Variants in CELF2 observed in about 807,000 individuals in gnomAD.
CELF2 encodes the protein CUG triplet repeat RNA-binding protein 2.
Under a neutral mutation model 62.6 loss-of-function variants are expected in CELF2, and 8 were observed. The observed-to-expected ratio is 0.13, with a 90% CI of 0.07 to 0.23. The LOEUF is 0.23. Among genes scored for constraint, CELF2 ranks in the 10% least tolerant of loss-of-function variants. CELF2 has a pLI of 1.00. For missense variants in CELF2, 333 were observed against 671.0 expected, an observed-to-expected ratio of 0.50 and a Z score of 5.56; for synonymous variants, 258 against 250.0, an observed-to-expected ratio of 1.03 and a Z score of -0.30.
the CELF2 span, among the ~76,000 whole-genome samples, chr10:10,580,615 C>A: frequency 6.6e-6 from 1 of 152,126 alleles, no homozygotes; most frequent in African/African-American, 2.4e-5. Flanking sequence ...ATGATTGAAA[C>A]CCACAATTTT....
chr10:10,638,011 T>C, the CELF2 span, among the ~76,000 whole-genome samples: 8 of 152,138 alleles, frequency 5.3e-5, no homozygotes, highest in African/African-American at 1.9e-4. Flanking sequence ...GGATGAATAG[T>C]TCATCAAAAA....
rs2060226177 is a variant in CELF2 at position 11,032,152 on chromosome 10, A to AAAAAAAAAAAAAAAAAAAAG, written c.74+14008_74+14009insGAAAAAAAAAAAAAAAAAAA. 2.0e-5 allele frequency among the ~76,000 whole-genome samples: 2 copies of AAAAAAAAAAAAAAAAAAAAG among 98,500 alleles called. 1 individual carries two copies. The highest frequency in any genetic ancestry group is 4.0e-5 in the Non-Finnish European group (2 of 49,440). 64.6% of individuals were successfully genotyped at this position (98,500 alleles called of 152,430 possible). ...GCTCCACATAGGGCTTAGCCAAAAA[A>AAAAAAAAAAAAAAAAAAAAG]AAAAAAAAAAAAAAAAAAATTGCTT... On this transcript the variant is annotated intron_variant, in intron 1 of 12. Coordinates refer to ENST00000633077, the MANE Select transcript of CELF2 (RefSeq NM_001326342.2).
At chr10:11,092,749 A>G (rs1198386049) in intron 1 of CELF2, among the ~76,000 whole-genome samples, 1 of 152,202 alleles carries the variant, frequency 6.6e-6, no homozygotes, top group Non-Finnish European at 1.5e-5. Flanking sequence ...GCTTCAGGGA[A>G]GAAGGTGAGA....
chr10:11,228,303 C>T (rs1435596645), intron 3 of CELF2, among the ~76,000 whole-genome samples: 1 of 152,110 alleles, frequency 6.6e-6, no homozygotes, highest in Non-Finnish European at 1.5e-5. Context: ...AGAACTATGC[C>T]AAGAACTTTA....
At chr10:10,569,870 T>A in the CELF2 span, among the ~76,000 whole-genome samples, 1 of 152,212 alleles carries the variant, frequency 6.6e-6, no homozygotes, top group Non-Finnish European at 1.5e-5. Flanking sequence ...CACCAGAAAC[T>A]GCTTCAGGAG....
the CELF2 span, among the ~76,000 whole-genome samples, chr10:10,628,891 T>C: frequency 2.0e-5 from 3 of 152,194 alleles, no homozygotes; most frequent in South Asian, 4.1e-4. Flanking sequence ...TCAGGCCGCC[T>C]TCCCATCAAT....
the CELF2 span, among the ~76,000 whole-genome samples, chr10:10,488,605 A>G: frequency 6.6e-6 from 1 of 152,138 alleles, no homozygotes; most frequent in Admixed American, 6.5e-5. Context: ...AAACTAATGC[A>G]CAAGGAGATT....
intron 2 of CELF2, among the ~76,000 whole-genome samples, chr10:10,941,590 G>A (rs2047055948): frequency 6.6e-6 from 1 of 152,184 alleles, no homozygotes; most frequent in Non-Finnish European, 1.5e-5. Flanking sequence ...GAAAACAACA[G>A]CCAAGTGACA....
chr10:11,303,755 G>A (rs1219247502), intron 9 of CELF2, among the ~76,000 whole-genome samples: 2 of 152,184 alleles, frequency 1.3e-5, no homozygotes, highest in Admixed American at 6.5e-5. Context: ...CTCTGCAGTA[G>A]CCACTAGATA....
the CELF2 span, among the ~76,000 whole-genome samples, chr10:10,683,368 C>A: frequency 6.6e-6 from 1 of 152,154 alleles, no homozygotes; most frequent in Non-Finnish European, 1.5e-5. Context: ...TTCATTGGAG[C>A]TTTTAATTCA....
intron 1 of CELF2, among the ~76,000 whole-genome samples, chr10:10,869,945 CA>C (rs553941846): frequency 6.0e-5 from 9 of 150,326 alleles, no homozygotes; most frequent in Non-Finnish European, 1.2e-4. Context: ...GACCTCATCT[CA>C]AAAAAAAAGT....
intron 1 of CELF2, among the ~76,000 whole-genome samples, chr10:10,854,104 A>G (rs917170256): frequency 6.6e-6 from 1 of 152,198 alleles, no homozygotes; most frequent in African/African-American, 2.4e-5. Context: ...TTTACACATT[A>G]CTTGCAAAAT....
the CELF2 span, among the ~76,000 whole-genome samples, chr10:10,593,227 A>T: frequency 6.6e-6 from 1 of 152,188 alleles, no homozygotes; most frequent in Non-Finnish European, 1.5e-5. Context: ...TAGTGGCTTA[A>T]AATAACCATT....
the CELF2 span, among the ~76,000 whole-genome samples, chr10:10,475,674 C>T: frequency 2.0e-5 from 3 of 151,964 alleles, no homozygotes; most frequent in African/African-American, 4.8e-5. Flanking sequence ...GCTCAATATA[C>T]GTTGTCCTCA....
chr10:10,527,182 C>T, the CELF2 span, among the ~76,000 whole-genome samples: 61 of 152,344 alleles, frequency 4.0e-4, no homozygotes, highest in Non-Finnish European at 5.9e-4. Flanking sequence ...TGGCTCACGC[C>T]TGTTATCCCA....
intron 2 of CELF2, among the ~76,000 whole-genome samples, chr10:10,969,737 A>G (rs574116322): frequency 1.3e-4 from 20 of 152,312 alleles, no homozygotes; most frequent in African/African-American, 4.6e-4. Context: ...ATCTAAAGTC[A>G]TGTGTGGTTA....
the CELF2 span, among the ~76,000 whole-genome samples, chr10:10,654,778 A>G: frequency 2.0e-5 from 3 of 147,554 alleles, no homozygotes; most frequent in Non-Finnish European, 4.5e-5. Flanking sequence ...AATGGGCAAA[A>G]ACTGGAAGCA....
the CELF2 span, among the ~76,000 whole-genome samples, chr10:10,648,513 T>C: frequency 6.6e-6 from 1 of 152,174 alleles, no homozygotes; most frequent in East Asian, 1.9e-4. Flanking sequence ...TAAAAGAAAG[T>C]ACAATTTCCC....
At chr10:11,228,883 TAA>T (rs959025189) in intron 3 of CELF2, among the ~76,000 whole-genome samples, 5 of 152,158 alleles carry the variant, frequency 3.3e-5, no homozygotes, top group African/African-American at 7.2e-5. Context: ...GGAAAATACT[TAA>T]GAGAGAATCA....
Sources: gnomAD v4.1 joint callset for allele counts (sites outside exome capture counted in the v4.1 genomes callset) on GRCh38, gnomAD v4.1.1 for gene constraint, MANE v1.5 for transcripts, NCBI Gene and HGNC (gene_info 2026-07-23, HGNC 2026-07-21) for gene names.